LGSN: variants seen among roughly 807,000 people sequenced by gnomAD.
LGSN encodes lengsin.
In LGSN, 21 loss-of-function variants were observed where a neutral mutation model predicts 19.5. The observed-to-expected ratio is 1.07, with a 90% CI of 0.76 to 1.55. LGSN has a LOEUF of 1.55. Ranked by LOEUF, LGSN falls within the 40% of genes most tolerant of loss-of-function variation. The probability of loss-of-function intolerance (pLI) is 0.00; values close to 1 mark genes in which losing one functional copy is unlikely to be tolerated. For synonymous variants in LGSN, 257 were observed against 215.6 expected, an observed-to-expected ratio of 1.19 and a Z score of -1.68; for missense variants, 673 against 608.5, an observed-to-expected ratio of 1.11 and a Z score of -1.12.
the LGSN span, among the ~76,000 whole-genome samples, chr6:63,532,094 C>T: frequency 3.3e-5 from 5 of 152,110 alleles, no homozygotes; most frequent in African/African-American, 9.7e-5. Context: ...CCACCACGCC[C>T]GGTCAACCAC....
chr6:63,298,165 C>T (rs553084566), intron 1 of LGSN, among the ~76,000 whole-genome samples: 1 of 152,250 alleles, frequency 6.6e-6, no homozygotes, highest in South Asian at 2.1e-4. Context: ...CCAGCAACCC[C>T]CAGGAGCACT....
the LGSN span, among the ~76,000 whole-genome samples, chr6:63,540,593 C>G: frequency 1.1e-4 from 16 of 151,650 alleles, no homozygotes; most frequent in Non-Finnish European, 2.1e-4. Flanking sequence ...TCACTGCACT[C>G]CAGCCTGAGT....
At chr6:63,504,218 C>G in the LGSN span, among the ~76,000 whole-genome samples, 1 of 147,376 alleles carries the variant, frequency 6.8e-6, no homozygotes, top group Non-Finnish European at 1.5e-5. Flanking sequence ...CTCACTGAAG[C>G]CTCTTCCTCC....
chr6:63,559,266 A>C, the LGSN span, among the ~76,000 whole-genome samples: 1 of 152,230 alleles, frequency 6.6e-6, no homozygotes, highest in Non-Finnish European at 1.5e-5. Flanking sequence ...AAGGATCATA[A>C]TATAATGATA....
chr6:63,416,242 A>C, the LGSN span, among the ~76,000 whole-genome samples: 1 of 151,920 alleles, frequency 6.6e-6, no homozygotes, highest in African/African-American at 2.4e-5. Flanking sequence ...TAAGACAAAG[A>C]ATCTTCTGCC....
At chr6:63,301,340 A>C (rs1768176247) in intron 1 of LGSN, among the ~76,000 whole-genome samples, 1 of 152,210 alleles carries the variant, frequency 6.6e-6, no homozygotes, top group Non-Finnish European at 1.5e-5. Context: ...AAAGTGTACA[A>C]GAAAAGCAAG....
the LGSN span, among the ~76,000 whole-genome samples, chr6:63,337,635 C>T: frequency 6.6e-6 from 1 of 151,810 alleles, no homozygotes; most frequent in African/African-American, 2.4e-5. Flanking sequence ...AACTACATCT[C>T]TACACAAAAT....
At chr6:63,514,804 G>C in the LGSN span, among the ~76,000 whole-genome samples, 1 of 152,006 alleles carries the variant, frequency 6.6e-6, no homozygotes, top group Admixed American at 6.6e-5. Context: ...GGGCTCCAGT[G>C]ATCCTCCCAC....
At chr6:63,315,034 C>T (rs1438957414) in intron 1 of LGSN, among the ~76,000 whole-genome samples, 3 of 152,098 alleles carry the variant, frequency 2.0e-5, no homozygotes, top group Admixed American at 6.5e-5. Flanking sequence ...GAATCCAAGA[C>T]AGATGGGATA....
At chr6:63,480,270 C>A in the LGSN span, 1 of 216,798 alleles carries the variant, frequency 4.6e-6, no homozygotes, top group East Asian at 1.1e-4. Flanking sequence ...AGTCCATTGT[C>A]CGGTAATTTG....
chr6:63,329,234 C>A, the LGSN span, among the ~76,000 whole-genome samples: 1 of 152,150 alleles, frequency 6.6e-6, no homozygotes, highest in African/African-American at 2.4e-5. Context: ...ATCCCTAAAC[C>A]CTTGGGGCAA....
At chr6:63,533,034 G>A in the LGSN span, among the ~76,000 whole-genome samples, 2 of 152,256 alleles carry the variant, frequency 1.3e-5, no homozygotes, top group East Asian at 3.9e-4. Context: ...CCTGACAGAG[G>A]CATCAAAATC....
chr6:63,573,008 C>T, the LGSN span, among the ~76,000 whole-genome samples: 4 of 151,994 alleles, frequency 2.6e-5, no homozygotes, highest in South Asian at 8.3e-4. Flanking sequence ...GCGGCGCGGT[C>T]CGGCTTCTGC....
chr6:63,479,109 A>C, the LGSN span, among the ~76,000 whole-genome samples: 1 of 152,164 alleles, frequency 6.6e-6, no homozygotes, highest in African/African-American at 2.4e-5. Flanking sequence ...TGCTAACTTA[A>C]CTGGTTAGAT....
At chr6:63,540,112 A>G in the LGSN span, among the ~76,000 whole-genome samples, 5 of 152,180 alleles carry the variant, frequency 3.3e-5, no homozygotes, top group African/African-American at 9.6e-5. Flanking sequence ...CATCCCTAAG[A>G]CATTTTGAAC....
At chr6:63,330,314 C>A in the LGSN span, among the ~76,000 whole-genome samples, 1 of 152,214 alleles carries the variant, frequency 6.6e-6, no homozygotes, top group Non-Finnish European at 1.5e-5. Flanking sequence ...AGGGACATGA[C>A]TAAGGCTGCA....
chr6:63,319,119 C>T (rs139407320), intron 1 of LGSN, among the ~76,000 whole-genome samples: 1 of 152,254 alleles, frequency 6.6e-6, no homozygotes, highest in Non-Finnish European at 1.5e-5. Context: ...ATTCACTATA[C>T]AGATCAGTGA....
At chr6:63,520,310 A>G in the LGSN span, among the ~76,000 whole-genome samples, 1 of 152,172 alleles carries the variant, frequency 6.6e-6, no homozygotes, top group Non-Finnish European at 1.5e-5. Context: ...TTGCTAATGA[A>G]TAGGAAAAAT....
intron 3 of LGSN, among the ~76,000 whole-genome samples, chr6:63,284,828 C>T (rs1309483056): frequency 1.3e-5 from 2 of 152,082 alleles, no homozygotes; most frequent in Non-Finnish European, 2.9e-5. Flanking sequence ...GTCCAGTTTT[C>T]CCCAACATGA....
Sources: allele counts gnomAD v4.1 joint callset (sites outside exome capture counted in the v4.1 genomes callset), GRCh38; gene constraint gnomAD v4.1.1; transcripts MANE v1.5; gene names NCBI Gene and HGNC (gene_info 2026-07-23, HGNC 2026-07-21).